Variants in PALD1 observed in about 807,000 individuals in gnomAD.
PALD1 encodes the protein phosphatase domain containing paladin 1, also known as paladin.
In PALD1, 57 loss-of-function variants were observed where a neutral mutation model predicts 96.0. The observed-to-expected ratio is 0.59, with a 90% CI of 0.48 to 0.74. PALD1 has a LOEUF of 0.74. PALD1 is among the 30% of genes least tolerant of loss of function. The pLI is 0.00. For missense variants in PALD1, 1,063 were observed against 1,143.7 expected, an observed-to-expected ratio of 0.93 and a Z score of 1.02; for synonymous variants, 464 against 473.6, an observed-to-expected ratio of 0.98 and a Z score of 0.26.
upstream of PALD1, among the ~76,000 whole-genome samples, chr10:70,476,509 G>A (rs1264955923): frequency 6.6e-6 from 1 of 152,088 alleles, no homozygotes; most frequent in Non-Finnish European, 1.5e-5. Flanking sequence ...GCCCTCTGGG[G>A]GGCTGGTGGT....
chr10:70,492,119 G>C (rs893940002), intron 1 of PALD1, among the ~76,000 whole-genome samples: 1 of 152,188 alleles, frequency 6.6e-6, no homozygotes, highest in Non-Finnish European at 1.5e-5. Context: ...ATACTTAGCA[G>C]TGGGATTGCT....
chr10:70,465,918 C>T, the PALD1 span, among the ~76,000 whole-genome samples: 1 of 152,212 alleles, frequency 6.6e-6, no homozygotes, highest in East Asian at 1.9e-4. Context: ...TAACCTTGGG[C>T]CAGGTACTCC....
upstream of PALD1, among the ~76,000 whole-genome samples, chr10:70,476,246 C>G (rs1845821387): frequency 6.6e-6 from 1 of 152,230 alleles, no homozygotes; most frequent in African/African-American, 2.4e-5. Flanking sequence ...CTCAAATGGG[C>G]TCAACTGAGA....
rs188431644 is a variant in PALD1, at chr10:70,539,996, T to C, written c.1908+234T>C. ...TAGGGTATATGTGTGTGTATTGTTA[T>C]AGGTGTGTGTGTATTGGAGTGTGTA... On this transcript the variant is annotated intron_variant, in intron 15 of 19. Coordinates refer to ENST00000263563, the MANE Select transcript of PALD1 (RefSeq NM_014431.3). This position sits in a 1 kb window ranked among gnomAD's most constrained non-coding sequence, Gnocchi z 4.5. Among the ~76,000 whole-genome samples the C allele has an allele frequency of 9.3e-3, 1,417 of 152,254 alleles. 28 individuals carry two copies. Among genetic ancestry groups the C allele is most frequent in the African/African-American group, 0.033 (1,359 of 41,540 alleles).
chr10:70,498,838 G>T (rs986648075), intron 1 of PALD1, among the ~76,000 whole-genome samples: 1 of 151,718 alleles, frequency 6.6e-6, no homozygotes, highest in Non-Finnish European at 1.5e-5. Context: ...TGAGGCTGGA[G>T]AATTGCTTGA....
chr10:70,468,344 A>G, the PALD1 span, among the ~76,000 whole-genome samples: 1 of 151,972 alleles, frequency 6.6e-6, no homozygotes, highest in African/African-American at 2.4e-5. Context: ...CCCGGGTTCA[A>G]ACGATTCTCC....
the PALD1 span, among the ~76,000 whole-genome samples, chr10:70,471,360 A>G: frequency 1.3e-5 from 2 of 152,258 alleles, no homozygotes; most frequent in Non-Finnish European, 2.9e-5. Flanking sequence ...ACTGTCGGAC[A>G]GGATTCTGTG....
chr10:70,537,736 C>A, intron 10 of PALD1, 75 bp from the exon 11 acceptor site: 1 of 972,674 alleles, frequency 1.0e-6, no homozygotes, highest in Non-Finnish European at 1.6e-6. Context: ...GGCTTAACTC[C>A]TGCCCTTGCA....
chr10:70,499,150 A>G (rs917542407), intron 1 of PALD1, among the ~76,000 whole-genome samples: 3 of 152,344 alleles, frequency 2.0e-5, no homozygotes, highest in Admixed American at 6.5e-5. Context: ...TAACTTAGCC[A>G]AGGTCACACA....
chr10:70,548,319 A>G (rs1847409513), intron 18 of PALD1, among the ~76,000 whole-genome samples: 2 of 152,116 alleles, frequency 1.3e-5, no homozygotes, highest in African/African-American at 4.8e-5. Flanking sequence ...AAAGTTTCAT[A>G]ATAGTCCAGA....
intron 10 of PALD1, among the ~76,000 whole-genome samples, chr10:70,536,761 A>T (rs1460782996): frequency 6.6e-6 from 1 of 152,224 alleles, no homozygotes; most frequent in East Asian, 1.9e-4. Context: ...GGAGATTCCC[A>T]AAGATGGGAT....
chr10:70,480,761 C>T (rs1161336652), intron 1 of PALD1, among the ~76,000 whole-genome samples: 2 of 152,218 alleles, frequency 1.3e-5, no homozygotes, highest in Non-Finnish European at 2.9e-5. Context: ...TTGCCTGCCT[C>T]CAAACAGGTG....
intron 7 of PALD1, among the ~76,000 whole-genome samples, chr10:70,533,325 G>A (rs957035427): frequency 1.2e-4 from 18 of 151,644 alleles, no homozygotes; most frequent in African/African-American, 3.9e-4. Context: ...GTTCCTGTCT[G>A]TGTGTCTCTG....
intron 1 of PALD1, among the ~76,000 whole-genome samples, chr10:70,521,741 C>T (rs539018932): frequency 2.0e-5 from 3 of 151,922 alleles, no homozygotes; most frequent in African/African-American, 2.4e-5. Flanking sequence ...ACCATGTTGG[C>T]GAGGCTGGTC....
upstream of PALD1, among the ~76,000 whole-genome samples, chr10:70,474,515 T>C (rs1169264442): frequency 6.6e-6 from 1 of 152,158 alleles, no homozygotes; most frequent in Non-Finnish European, 1.5e-5. Flanking sequence ...GAGCCGAGAT[T>C]GTGCCACCAC....
At chr10:70,565,775 C>G (rs1159088928) in intron 19 of PALD1, among the ~76,000 whole-genome samples, 2 of 152,090 alleles carry the variant, frequency 1.3e-5, no homozygotes, top group African/African-American at 4.8e-5. Flanking sequence ...TCTGCGAGCC[C>G]CTGGGGAGGG....
chr10:70,529,500 A>C (rs56017067), intron 3 of PALD1, among the ~76,000 whole-genome samples, 169 bp downstream of exon 3: 7 of 151,508 alleles, frequency 4.6e-5, no homozygotes, highest in Non-Finnish European at 8.8e-5. Flanking sequence ...CCTCTGGTTG[A>C]TTCCTGGTGC....
intron 1 of PALD1, among the ~76,000 whole-genome samples, chr10:70,522,629 G>A (rs182687860): frequency 2.6e-5 from 4 of 152,168 alleles, no homozygotes. Flanking sequence ...GAGTTAGAAG[G>A]TAGGAAATAA....
chr10:70,498,500 A>C (rs1194357943), intron 1 of PALD1, among the ~76,000 whole-genome samples: 1 of 151,966 alleles, frequency 6.6e-6, no homozygotes, highest in Non-Finnish European at 1.5e-5. Context: ...GGCTGGTATC[A>C]AACTCCTGAC....
Sources: allele counts gnomAD v4.1 joint callset (sites outside exome capture counted in the v4.1 genomes callset), GRCh38; gene constraint gnomAD v4.1.1; non-coding constraint Gnocchi (gnomAD v3.1); transcripts MANE v1.5; gene names NCBI Gene and HGNC (gene_info 2026-07-23, HGNC 2026-07-21).